PCDH9: variants seen among roughly 807,000 people sequenced by gnomAD.
PCDH9 encodes protocadherin 9, also known as protocadherin-9.
PCDH9 carries 24 observed loss-of-function variants against 70.6 expected under a neutral mutation model. The ratio of observed to expected loss-of-function variants is 0.34; its 90% CI spans 0.25 to 0.48. The LOEUF (loss-of-function observed/expected upper bound fraction) is 0.48, where lower values mean the gene tolerates loss of function less well. PCDH9 is among the 20% of genes least tolerant of loss of function. The pLI is 0.99. For synonymous variants in PCDH9, 562 were observed against 558.5 expected (o/e 1.01, Z -0.09); for missense variants, 1,281 against 1,503.6 (o/e 0.85, Z 2.45).
At chr13:67,117,407 C>G (rs181814176) in intron 2 of PCDH9, among the ~76,000 whole-genome samples, 96 of 152,124 alleles carry the variant, frequency 6.3e-4, no homozygotes, top group Middle Eastern at 6.8e-3. Context: ...AACTGCATAT[C>G]CAAGTGGAAG....
At chr13:67,037,563 G>T (rs553286895) in intron 2 of PCDH9, among the ~76,000 whole-genome samples, 2 of 152,238 alleles carry the variant, frequency 1.3e-5, no homozygotes, top group East Asian at 1.9e-4. Flanking sequence ...TTTTATTCTT[G>T]ATCTACAAGT....
At chr13:66,531,910 C>T (rs977346481) in intron 4 of PCDH9, among the ~76,000 whole-genome samples, 3 of 152,124 alleles carry the variant, frequency 2.0e-5, no homozygotes, top group Non-Finnish European at 2.9e-5. Context: ...GCAATTTTCT[C>T]TCCTATAAAA....
At chr13:66,748,290 C>T (rs2079403798) in intron 3 of PCDH9, among the ~76,000 whole-genome samples, 1 of 152,128 alleles carries the variant, frequency 6.6e-6, no homozygotes, top group Non-Finnish European at 1.5e-5. Flanking sequence ...GTTGAGATAA[C>T]TTTAATGAGA....
chr13:66,926,323 C>A (rs1426762540), intron 2 of PCDH9, among the ~76,000 whole-genome samples: 1 of 151,952 alleles, frequency 6.6e-6, no homozygotes, highest in Non-Finnish European at 1.5e-5. Context: ...CTGCAATGCC[C>A]TGTGTGGACA....
chr13:66,793,916 A>T (rs941669230), intron 3 of PCDH9, among the ~76,000 whole-genome samples: 1 of 152,110 alleles, frequency 6.6e-6, no homozygotes, highest in Non-Finnish European at 1.5e-5. Context: ...TACATTTGTT[A>T]AATTTGTTTT....
At chr13:67,175,742 G>GT (rs974415487) in intron 2 of PCDH9, among the ~76,000 whole-genome samples, 19 of 152,076 alleles carry the variant, frequency 1.2e-4, no homozygotes, top group African/African-American at 4.6e-4. Flanking sequence ...AGTTATTTCT[G>GT]TAACTGTCTA....
At chr13:67,136,821 T>C (rs1269028795) in intron 2 of PCDH9, among the ~76,000 whole-genome samples, 2 of 152,090 alleles carry the variant, frequency 1.3e-5, no homozygotes, top group Non-Finnish European at 2.9e-5. Flanking sequence ...AATCAATCAC[T>C]TGGACATTAA....
At chr13:66,845,273 C>T (rs1162467224) in intron 3 of PCDH9, among the ~76,000 whole-genome samples, 6 of 152,226 alleles carry the variant, frequency 3.9e-5, no homozygotes, top group Non-Finnish European at 7.3e-5. Context: ...GCCTCCCTCC[C>T]ATGCTCATCG....
chr13:67,036,568 G>C (rs1013226346), intron 2 of PCDH9, among the ~76,000 whole-genome samples: 1 of 152,138 alleles, frequency 6.6e-6, no homozygotes, highest in Non-Finnish European at 1.5e-5. Flanking sequence ...AACAGTAGTA[G>C]ATAAATGTCA....
At chr13:66,450,966 G>A (rs1374833931) in intron 4 of PCDH9, among the ~76,000 whole-genome samples, 2 of 152,062 alleles carry the variant, frequency 1.3e-5, no homozygotes, top group African/African-American at 2.4e-5. Context: ...GCAGTGAGCC[G>A]AGATCGCGCC....
At chr13:66,653,985 A>AAAAAAAG (rs576503175) in intron 3 of PCDH9, among the ~76,000 whole-genome samples, 19 of 150,310 alleles carry the variant, frequency 1.3e-4, no homozygotes, top group South Asian at 2.1e-4. Flanking sequence ...AAAAAAAAAA[A>AAAAAAAG]ATAGAAAGAA....
chr13:67,139,419 A>G (rs2087316512), intron 2 of PCDH9, among the ~76,000 whole-genome samples: 1 of 152,176 alleles, frequency 6.6e-6, no homozygotes, highest in African/African-American at 2.4e-5. Context: ...CACAGAAGTT[A>G]CCAATGAAAC....
At chr13:66,449,563 G>T (rs1412317981) in intron 4 of PCDH9, among the ~76,000 whole-genome samples, 1 of 151,972 alleles carries the variant, frequency 6.6e-6, no homozygotes, top group African/African-American at 2.4e-5. Flanking sequence ...ATGCTGTTAC[G>T]CCCACCTCAC....
intron 4 of PCDH9, among the ~76,000 whole-genome samples, chr13:66,611,053 A>G (rs181502573): frequency 6.6e-6 from 1 of 152,304 alleles, no homozygotes; most frequent in African/African-American, 2.4e-5. Flanking sequence ...TAATGTGAAA[A>G]AGGTTTTCAG....
chr13:66,517,951 T>A (rs1209739704), intron 4 of PCDH9, among the ~76,000 whole-genome samples: 1 of 152,158 alleles, frequency 6.6e-6, no homozygotes, highest in African/African-American at 2.4e-5. Context: ...ACAAAATGAA[T>A]GGACATGTTC....
intron 2 of PCDH9, chr13:67,202,518 T>C (rs924078052): frequency 5.9e-5 from 9 of 152,166 alleles, no homozygotes; most frequent in African/African-American, 1.2e-4. Context: ...ACTGTTTTAA[T>C]GGAGCAGCAC....
chr13:66,864,216 T>C (rs1183102397), intron 3 of PCDH9, among the ~76,000 whole-genome samples: 2 of 152,142 alleles, frequency 1.3e-5, no homozygotes, highest in Non-Finnish European at 2.9e-5. Flanking sequence ...ATAAAGATAG[T>C]TCATAGGATT....
chr13:67,130,894 C>A (rs1352882413), intron 2 of PCDH9, among the ~76,000 whole-genome samples: 2 of 152,086 alleles, frequency 1.3e-5, no homozygotes, highest in Non-Finnish European at 2.9e-5. Flanking sequence ...GCCGTTGAGC[C>A]CCCCTCTTTC....
At chr13:66,881,218 T>G (rs1289283727) in intron 3 of PCDH9, among the ~76,000 whole-genome samples, 2 of 152,196 alleles carry the variant, frequency 1.3e-5, no homozygotes, top group East Asian at 3.8e-4. Context: ...ATATTAGTGT[T>G]AGTCCGTTTT....
Sources: gnomAD v4.1 joint callset for allele counts (sites outside exome capture counted in the v4.1 genomes callset) on GRCh38, gnomAD v4.1.1 for gene constraint, MANE v1.5 for transcripts, NCBI Gene and HGNC (gene_info 2026-07-23, HGNC 2026-07-21) for gene names.